SLC24A2: variants seen among roughly 807,000 people sequenced by gnomAD.
SLC24A2 encodes sodium/potassium/calcium exchanger 2.
SLC24A2 carries 36 observed loss-of-function variants against 62.0 expected under a neutral mutation model. The observed-to-expected ratio is 0.58, with a 90% CI of 0.44 to 0.77. The LOEUF (loss-of-function observed/expected upper bound fraction) is 0.77. Among genes scored for constraint, SLC24A2 ranks in the 30% least tolerant of loss-of-function variants. The pLI, the probability that SLC24A2 is intolerant of heterozygous loss-of-function variation, is 0.00. For synonymous variants in SLC24A2, 358 were observed against 294.0 expected (o/e 1.22, Z -2.23); for missense variants, 846 against 817.9 (o/e 1.03, Z -0.42).
At chr9:19,668,833 T>G (rs1331033250) in intron 2 of SLC24A2, among the ~76,000 whole-genome samples, 1 of 152,218 alleles carries the variant, frequency 6.6e-6, no homozygotes, top group Non-Finnish European at 1.5e-5. Context: ...GAAGTGCCTT[T>G]GGTGCAGAGA....
chr9:19,641,440 G>A (rs192698873), intron 2 of SLC24A2, among the ~76,000 whole-genome samples: 2 of 152,064 alleles, frequency 1.3e-5, no homozygotes, highest in Admixed American at 6.5e-5. Flanking sequence ...TCTCTGTGCT[G>A]TTTGGATTAG....
At chr9:19,799,149 TTTC>T in the SLC24A2 span, among the ~76,000 whole-genome samples, 1 of 152,152 alleles carries the variant, frequency 6.6e-6, no homozygotes, top group Non-Finnish European at 1.5e-5. Context: ...TTATATTCAA[TTTC>T]TTTTTTCAGC....
the SLC24A2 span, among the ~76,000 whole-genome samples, chr9:19,864,276 C>A: frequency 6.6e-6 from 1 of 151,758 alleles, no homozygotes; most frequent in Non-Finnish European, 1.5e-5. Flanking sequence ...AATCCTAAAA[C>A]TATTCCAAAA....
chr9:20,094,300 T>A, the SLC24A2 span, among the ~76,000 whole-genome samples: 2 of 152,178 alleles, frequency 1.3e-5, no homozygotes, highest in African/African-American at 4.8e-5. Flanking sequence ...GGAAAACCCT[T>A]TTTTACTTGA....
chr9:19,949,685 G>C, the SLC24A2 span, among the ~76,000 whole-genome samples: 3 of 152,218 alleles, frequency 2.0e-5, no homozygotes, highest in Non-Finnish European at 4.4e-5. Context: ...GTCCTCAAAA[G>C]GAAGCTGCTT....
At chr9:19,992,826 G>A in the SLC24A2 span, among the ~76,000 whole-genome samples, 1 of 152,306 alleles carries the variant, frequency 6.6e-6, no homozygotes, top group East Asian at 1.9e-4. Context: ...TAACCCACAA[G>A]GGTGTGAATG....
chr9:20,276,058 CT>C, the SLC24A2 span, among the ~76,000 whole-genome samples: 1 of 152,136 alleles, frequency 6.6e-6, no homozygotes, highest in Admixed American at 6.5e-5. Flanking sequence ...CATTCTGCCC[CT>C]GGCCCCTCCC....
At chr9:20,275,851 G>A in the SLC24A2 span, among the ~76,000 whole-genome samples, 1 of 152,170 alleles carries the variant, frequency 6.6e-6, no homozygotes, top group African/African-American at 2.4e-5. Context: ...TGGCAGGGAA[G>A]ACAGCACGTG....
At chr9:19,721,232 C>T (rs897379457) in intron 2 of SLC24A2, among the ~76,000 whole-genome samples, 3 of 152,058 alleles carry the variant, frequency 2.0e-5, no homozygotes, top group African/African-American at 7.2e-5. Context: ...ATACAACTCA[C>T]CTGGTTTATT....
chr9:20,163,265 T>TA, the SLC24A2 span, among the ~76,000 whole-genome samples: 5 of 152,112 alleles, frequency 3.3e-5, no homozygotes, highest in African/African-American at 1.2e-4. Context: ...CTTAAGCTGA[T>TA]AAGCAACTTC....
chr9:19,597,159 A>T (rs1836725565), intron 5 of SLC24A2, 70 bp downstream of exon 5: 1 of 1,016,368 alleles, frequency 9.8e-7, no homozygotes, highest in Non-Finnish European at 1.6e-6. Context: ...AAAAAGAATA[A>T]AAAATGGGCA....
chr9:19,595,486 C>T (rs961380794), intron 5 of SLC24A2, among the ~76,000 whole-genome samples: 1 of 152,094 alleles, frequency 6.6e-6, no homozygotes, highest in East Asian at 1.9e-4. Flanking sequence ...CCAGGGAGGG[C>T]CCCCAAACAC....
At chr9:19,980,074 A>T in the SLC24A2 span, among the ~76,000 whole-genome samples, 1 of 152,248 alleles carries the variant, frequency 6.6e-6, no homozygotes, top group African/African-American at 2.4e-5. Context: ...GAAATGGCTA[A>T]CTTACTTTTT....
At chr9:20,188,097 CTGTCAGAAGAGGATTAG>C in the SLC24A2 span, among the ~76,000 whole-genome samples, 19,089 of 152,274 alleles carry the variant, frequency 0.13, 1,233 homozygotes, top group Non-Finnish European at 0.14. Context: ...GTTTTCTATC[CTGTCAGAAGAGGATTAG>C]AGTCAGAAGC....
intron 2 of SLC24A2, among the ~76,000 whole-genome samples, chr9:19,683,518 T>C (rs1819784329): frequency 6.6e-6 from 1 of 151,334 alleles, no homozygotes; most frequent in African/African-American, 2.4e-5. Context: ...GTGTCCTGCC[T>C]GGAAATTGTG....
the SLC24A2 span, among the ~76,000 whole-genome samples, chr9:20,062,632 T>C: frequency 1.6e-4 from 22 of 140,236 alleles, no homozygotes; most frequent in Admixed American, 1.4e-3. Flanking sequence ...AAAGCCAAAA[T>C]TGACAAATGG....
chr9:19,948,844 C>CAAA, the SLC24A2 span, among the ~76,000 whole-genome samples: 13 of 71,712 alleles, frequency 1.8e-4, no homozygotes, highest in East Asian at 1.1e-3. Flanking sequence ...GACTCCGTCT[C>CAAA]AAAAAAAAAA....
the SLC24A2 span, among the ~76,000 whole-genome samples, chr9:19,848,086 GC>G: frequency 6.6e-6 from 1 of 152,080 alleles, no homozygotes; most frequent in African/African-American, 2.4e-5. Context: ...ATAATTTCTT[GC>G]CTTATTATTT....
chr9:19,622,169 G>T, intron 3 of SLC24A2, 92 bp downstream of exon 3: 2 of 972,424 alleles, frequency 2.1e-6, no homozygotes, highest in South Asian at 1.3e-5. Flanking sequence ...AGAGAGTAAT[G>T]TGTTGAGCAC....
Sources: allele counts gnomAD v4.1 joint callset (sites outside exome capture counted in the v4.1 genomes callset), GRCh38; gene constraint gnomAD v4.1.1; transcripts MANE v1.5; gene names NCBI Gene and HGNC (gene_info 2026-07-23, HGNC 2026-07-21).